Variants in SRFBP1 observed in about 807,000 individuals in gnomAD.
The protein encoded by SRFBP1 is serum response factor-binding protein 1.
SRFBP1 carries 47 observed loss-of-function variants against 45.5 expected under a neutral mutation model. The ratio of observed to expected loss-of-function variants is 1.03; its 90% CI spans 0.82 to 1.32. The LOEUF (loss-of-function observed/expected upper bound fraction) is 1.32, where lower values mean the gene tolerates loss of function less well. SRFBP1 is among the 40% of genes most tolerant of loss of function. The probability of loss-of-function intolerance (pLI) is 0.00; values close to 1 mark genes in which losing one functional copy is unlikely to be tolerated. For synonymous variants in SRFBP1, 203 were observed against 166.3 expected, an observed-to-expected ratio of 1.22 and a Z score of -1.70; for missense variants, 621 against 484.6, an observed-to-expected ratio of 1.28 and a Z score of -2.64.
chr5:121,990,633 T>C (rs1752601890), intron 3 of SRFBP1, among the ~76,000 whole-genome samples: 2 of 152,196 alleles, frequency 1.3e-5, no homozygotes, highest in Admixed American at 1.3e-4. Flanking sequence ...CCAGTTCTGT[T>C]CAACATGTGT....
At chr5:121,965,764 T>C (rs1754383514) in intron 1 of SRFBP1, among the ~76,000 whole-genome samples, 1 of 152,222 alleles carries the variant, frequency 6.6e-6, no homozygotes, top group African/African-American at 2.4e-5. Context: ...GCTTTAAATC[T>C]ATAAATTACT....
At position 122,017,039 on chromosome 5, in the gene SRFBP1, G is replaced by C. The variant is rs568775350; in HGVS notation, c.271-2221G>C. ...AGGTCAGGAGTTCGACACCAGCCTGGCCAACGTGGTGAAACCCCATCTCTA... is the reference window on the plus strand; with the variant it reads ...AGGTCAGGAGTTCGACACCAGCCTGCCCAACGTGGTGAAACCCCATCTCTA... On this transcript the variant is annotated intron_variant, in intron 4 of 7. Transcript: ENST00000339397. 7.9e-5 allele frequency among the ~76,000 whole-genome samples: 12 copies of C among 152,212 alleles called. No individual in the cohort carries two copies. In the East Asian group the frequency reaches 2.3e-3, roughly 29 times the overall value.
In SRFBP1 at chr5:121,974,178, T is replaced by G; in HGVS notation, c.37-18T>G. 6.3e-7 allele frequency: 1 copy of G among 1,582,740 alleles called. No homozygotes were observed. The highest frequency in any genetic ancestry group is 2.2e-5 in the East Asian group (1 of 44,534). On this transcript the variant is annotated intron_variant, in intron 1 of 7. Transcript: ENST00000339397. The stretch of plus-strand genomic sequence containing the variant: ...GAAGTAAGTGCCTTTCTTCTAATTA[T>G]TGCTTTATTCTTCAAAGGTTGTGAA...
chr5:122,006,489 C>T (rs986204025), intron 4 of SRFBP1, among the ~76,000 whole-genome samples: 1 of 151,246 alleles, frequency 6.6e-6, no homozygotes, highest in Non-Finnish European at 1.5e-5. Flanking sequence ...GCATTCTGCC[C>T]CTTTGTTTTT....
chr5:122,001,572 T>G (rs1294914600), intron 4 of SRFBP1, among the ~76,000 whole-genome samples: 3 of 143,636 alleles, frequency 2.1e-5, no homozygotes, highest in Non-Finnish European at 3.0e-5. Flanking sequence ...TTTTTTTTTT[T>G]GAGACGGAGT....
chr5:122,027,084 T>C lies in SRFBP1; in HGVS notation c.1248T>C (p.Asn416=). ...ASRRRKEQQS[N]IAVFQGKKIT... The stretch of plus-strand genomic sequence containing the variant: ...GAAGGCGAAAAGAACAGCAATCTAA[T>C]ATTGCTGTGTTTCAGGGGAAAAAAA... The change falls in exon 8 of 8, where the codon AAT becomes AAC. Residue 416 remains asparagine (N), a synonymous_variant. Transcript: ENST00000339397. 1 of 1,611,798 alleles carries C rather than the reference T, an allele frequency of 6.2e-7. No homozygotes were observed.
chr5:122,068,717 G>C (rs748174379), intron 2 of SRFBP1, among the ~76,000 whole-genome samples: 3 of 151,998 alleles, frequency 2.0e-5, no homozygotes, highest in African/African-American at 7.3e-5. Context: ...GTGTAATAAG[G>C]CTACAGCAGT....
At position 121,961,982 on chromosome 5, in the gene SRFBP1, G is replaced by C. The variant is rs767451717; in HGVS notation, c.-51G>C. 4 of 1,612,250 alleles carry C rather than the reference G, an allele frequency of 2.5e-6. No homozygotes were observed. The South Asian group carries it at 3.3e-5, about 13-fold the overall frequency. On this transcript the variant is annotated 5_prime_UTR_variant, in exon 1 of 8. Coordinates refer to ENST00000339397, the MANE Select transcript of SRFBP1 (RefSeq NM_152546.3). ...GGGCGTGGCGACGCAGCCGCGGTCT[G>C]AGAGACCGGTTCACGTGCAGGCAGC...
chr5:121,995,985 G>T (rs937990017), intron 4 of SRFBP1, among the ~76,000 whole-genome samples: 2 of 152,120 alleles, frequency 1.3e-5, no homozygotes, highest in African/African-American at 4.8e-5. Flanking sequence ...TCTCTTAGTA[G>T]ACCAATAACA....
At chr5:121,985,148 C>T (rs1752485738) in intron 3 of SRFBP1, among the ~76,000 whole-genome samples, 1 of 151,736 alleles carries the variant, frequency 6.6e-6, no homozygotes, top group Admixed American at 6.6e-5. Context: ...ATGGAGAGAG[C>T]TTCACTGGGA....
chr5:122,017,049 T>C (rs950242299), intron 4 of SRFBP1, among the ~76,000 whole-genome samples: 1 of 152,024 alleles, frequency 6.6e-6, no homozygotes, highest in African/African-American at 2.4e-5. Flanking sequence ...GCCAACGTGG[T>C]GAAACCCCAT....
intron 2 of SRFBP1, among the ~76,000 whole-genome samples, chr5:122,071,193 ATGTGTG>A (rs35544795): frequency 1.2e-3 from 178 of 149,922 alleles, no homozygotes; most frequent in Non-Finnish European, 2.1e-3. Flanking sequence ...AAACATTTAT[ATGTGTG>A]TGTGTGTGTG....
rs148076657 is a variant in SRFBP1, at chr5:122,016,626, C to G, written c.271-2634C>G. On this transcript the variant is annotated intron_variant, in intron 4 of 7. Coordinates refer to ENST00000339397, the MANE Select transcript of SRFBP1 (RefSeq NM_152546.3). ...TTTCATTGGAGTTTCTATATTCTAG[C>G]TTTTAATACTCAAGCAAGCATGTTT... is the stretch of plus-strand genomic sequence containing the variant. 5.3e-5 allele frequency among the ~76,000 whole-genome samples: 8 copies of G among 152,248 alleles called. No individual in the cohort carries two copies. In the East Asian group the frequency reaches 1.5e-3, roughly 29 times the overall value.
intron 4 of SRFBP1, among the ~76,000 whole-genome samples, chr5:121,999,729 T>C (rs1296368524): frequency 6.6e-6 from 1 of 152,136 alleles, no homozygotes; most frequent in Non-Finnish European, 1.5e-5. Flanking sequence ...CTGAAGTCTA[T>C]CTTGTCTGAA....
intron 2 of SRFBP1, among the ~76,000 whole-genome samples, chr5:122,048,431 A>G (rs1306526488): frequency 1.3e-5 from 2 of 152,044 alleles, no homozygotes; most frequent in Non-Finnish European, 2.9e-5. Context: ...TTGATGTGCT[A>G]TTGGATTCGG....
At chr5:121,984,452 CTGTT>C (rs1163015768) in intron 3 of SRFBP1, among the ~76,000 whole-genome samples, 8 of 151,652 alleles carry the variant, frequency 5.3e-5, no homozygotes, top group South Asian at 2.1e-4. Context: ...ACATGAAACT[CTGTT>C]TGGATTGCCT....
At chr5:121,963,046 C>A (rs1342890442) in intron 1 of SRFBP1, among the ~76,000 whole-genome samples, 1 of 152,154 alleles carries the variant, frequency 6.6e-6, no homozygotes, top group Non-Finnish European at 1.5e-5. Flanking sequence ...ATGGGTGATA[C>A]TTGTCCTTGG....
chr5:122,071,189 TTA>T (rs1052933696), intron 2 of SRFBP1, among the ~76,000 whole-genome samples: 5 of 123,934 alleles, frequency 4.0e-5, no homozygotes, highest in African/African-American at 7.2e-5. Flanking sequence ...TCGTAAACAT[TTA>T]TATGTGTGTG....
intron 4 of SRFBP1, among the ~76,000 whole-genome samples, chr5:122,000,372 C>T (rs1033567517): frequency 6.6e-6 from 1 of 151,976 alleles, no homozygotes; most frequent in African/African-American, 2.4e-5. Flanking sequence ...TATACTTTCA[C>T]TTATTCAGTT....
Sources: allele counts gnomAD v4.1 joint callset (sites outside exome capture counted in the v4.1 genomes callset), GRCh38; gene constraint gnomAD v4.1.1; transcripts MANE v1.5; gene names NCBI Gene and HGNC (gene_info 2026-07-23, HGNC 2026-07-21).